Variants in KIF13A observed in about 807,000 individuals in gnomAD.
The protein encoded by KIF13A is kinesin family member 13A.
In KIF13A, 79 loss-of-function variants were observed where a neutral mutation model predicts 212.2. The observed-to-expected ratio is 0.37, with a 90% confidence interval of 0.31 to 0.45. KIF13A has a LOEUF of 0.45. Among genes scored for constraint, KIF13A ranks in the 20% least tolerant of loss-of-function variants. The pLI is 1.00. For synonymous variants in KIF13A, 789 were observed against 808.6 expected (o/e 0.98, Z 0.41); for missense variants, 1,901 against 2,209.0 (o/e 0.86, Z 2.79).
intron 9 of KIF13A, among the ~76,000 whole-genome samples, chr6:17,840,516 C>T (rs1235211287): frequency 1.3e-5 from 2 of 152,016 alleles, no homozygotes; most frequent in Non-Finnish European, 2.9e-5. Flanking sequence ...AGTTCAGTGA[C>T]TTAAAAGTCA....
chr6:17,975,025 G>A (rs1322997975), intron 2 of KIF13A, among the ~76,000 whole-genome samples: 4 of 152,082 alleles, frequency 2.6e-5, no homozygotes, highest in African/African-American at 9.7e-5. Context: ...ACCAGCATCA[G>A]CCATCACCTG....
Position 17,915,948 on chromosome 6 carries a change from T to A in KIF13A, c.147-17768A>T, listed in dbSNP as rs12205514. Among the ~76,000 whole-genome samples, 9,445 of 123,150 alleles carry A rather than the reference T, an allele frequency of 0.077. 733 individuals are homozygous for A. The highest frequency in any genetic ancestry group is 0.27 in the African/African-American group (7,553 of 28,154). 80.8% of individuals were successfully genotyped at this position (123,150 alleles called of 152,430 possible). ...AGAGAGCCAGTCTCAAAAAAAAAAATAAAAATAAAAATAAAATAAAATAAA... is the reference window on the plus strand; with the variant it reads ...AGAGAGCCAGTCTCAAAAAAAAAAAAAAAAATAAAAATAAAATAAAATAAA... On this transcript the variant is annotated intron_variant, in intron 2 of 38. Coordinates refer to ENST00000259711, the MANE Select transcript of KIF13A (RefSeq NM_022113.6). This position sits in a 1 kb window ranked among gnomAD's most constrained non-coding sequence, Gnocchi z 4.4.
At position 17,926,714 on chromosome 6, in the gene KIF13A, T is replaced by C. The variant is rs1018275548; in HGVS notation, c.147-28534A>G. On this transcript the variant is annotated intron_variant, in intron 2 of 38. Transcript: ENST00000259711. This position sits in a 1 kb window ranked among gnomAD's most constrained non-coding sequence, Gnocchi z 4.3. Reference sequence around the variant, plus strand: ...AATTACTTATAATCTCAGAGTGTAATAAGTGGAGAATGTTTAAGTATATTA... The same window carrying C: ...AATTACTTATAATCTCAGAGTGTAACAAGTGGAGAATGTTTAAGTATATTA... Among the ~76,000 whole-genome samples, 1 of 152,172 alleles carries C rather than the reference T, an allele frequency of 6.6e-6. No individual in the cohort carries two copies. Among genetic ancestry groups the C allele is most frequent in the African/African-American group, 2.4e-5 (1 of 41,434 alleles).
rs139272458 is a variant in KIF13A, at chr6:17,794,115, C to A, written c.3222+134G>T. ...ACAGATTTTAAAGCTAGAAAAAAGG[C>A]AATGGATGGAAATGTGAACTGGGGG... On this transcript the variant is annotated intron_variant, in intron 25 of 38. Transcript: ENST00000259711. The surrounding 1 kb of genome is among the most constrained non-coding windows in gnomAD (Gnocchi z 4.1). 4.3e-4 allele frequency: 266 copies of A among 613,786 alleles called. 1 individual carries two copies. In the Middle Eastern group the frequency reaches 4.9e-3, roughly 11 times the overall value. 38.0% of individuals were successfully genotyped at this position (613,786 alleles called of 1,614,324 possible). A position where few individuals can be genotyped will look rare whatever the true frequency, so the allele number is the denominator to read the frequency against.
chr6:17,874,999 G>GCGCGTGCACACACACA (rs913365480), intron 3 of KIF13A, among the ~76,000 whole-genome samples: 2 of 120,266 alleles, frequency 1.7e-5, no homozygotes, highest in Admixed American at 8.4e-5. Context: ...ACACGCACAC[G>GCGCGTGCACACACACA]CACGCACACA....
In KIF13A at chr6:17,856,134, G is replaced by A. The variant is rs1174898018; in HGVS notation, c.221-12C>T. On this transcript the variant is annotated splice_polypyrimidine_tract_variant and intron_variant, in intron 4 of 38. Coordinates refer to ENST00000259711, the MANE Select transcript of KIF13A (RefSeq NM_022113.6). The surrounding 1 kb of genome is among the most constrained non-coding windows in gnomAD (Gnocchi z 4.5). ...AACCACTTCTTGACCTAAAAAACAAGACAAATATTAAAAACTAATAAAAAG... is the reference window on the plus strand; with the variant it reads ...AACCACTTCTTGACCTAAAAAACAAAACAAATATTAAAAACTAATAAAAAG... 1 of 1,552,372 alleles carries A rather than the reference G, an allele frequency of 6.4e-7. No individual in the cohort carries two copies. Among genetic ancestry groups the A allele is most frequent in the Non-Finnish European group, 8.9e-7 (1 of 1,129,608 alleles).
intron 2 of KIF13A, among the ~76,000 whole-genome samples, chr6:17,980,104 C>T (rs1780927274): frequency 6.6e-6 from 1 of 151,528 alleles, no homozygotes; most frequent in African/African-American, 2.4e-5. Flanking sequence ...TGTGATTTAA[C>T]AAAAATAGGG....
rs557788569 is a variant in KIF13A at position 17,836,914 on chromosome 6, T to C, written c.1119A>G (p.Glu373=). 5.6e-5 allele frequency: 90 copies of C among 1,613,942 alleles called. No homozygotes were observed. The highest frequency in any genetic ancestry group is 2.2e-5 in the East Asian group (1 of 44,882). Residue 373 remains glutamate, a synonymous_variant, in exon 11 of 39, where the codon GAA becomes GAG. Coordinates refer to ENST00000259711, the MANE Select transcript of KIF13A (RefSeq NM_022113.6). ...NAKVIRELRE[E]VEKLREQLSQ... ...AGAGCTGCTCTCTCAGTTTCTCGAC[T>C]TCCTCCCGCAGTTCTCGGATCACTT...
chr6:17,883,001 TA>T lies in KIF13A; in HGVS notation c.160-9565del, dbSNP rs1484091714. On this transcript the variant is annotated intron_variant, in intron 3 of 38. Transcript: ENST00000259711. This position sits in a 1 kb window ranked among gnomAD's most constrained non-coding sequence, Gnocchi z 4.8. ...TTTGTTCTGCTACAATATTAATTCT[TA>T]GAGGATAAAGCCTTGGTTTCCCTAA... is the stretch of plus-strand genomic sequence containing the variant. Among the ~76,000 whole-genome samples the T allele has an allele frequency of 1.3e-5, 2 of 152,206 alleles. No individual in the cohort carries two copies. The highest frequency in any genetic ancestry group is 4.8e-5 in the African/African-American group (2 of 41,440).
rs190798348 is a variant in KIF13A, at chr6:17,873,399, T to C, written c.198A>G (p.Glu66=). Residue 66 remains glutamate, a synonymous_variant, in exon 4 of 39, where the codon GAA becomes GAG. Coordinates refer to ENST00000259711, the MANE Select transcript of KIF13A (RefSeq NM_022113.6). The stretch of plus-strand genomic sequence containing the variant: ...TACCAGCGTATTTTGTAGTGTTAGA[T>C]TCATCCATGGACCAAAAGCAATAAT... ...AFDYCFWSMD[E]SNTTKYAGQE... The C allele has an allele frequency of 1.1e-5, 17 of 1,596,294 alleles. No homozygotes were observed. Among genetic ancestry groups the C allele is most frequent in the Non-Finnish European group, 1.5e-5 (17 of 1,170,788 alleles).
chr6:17,948,239 A>G (rs967616959), intron 2 of KIF13A, among the ~76,000 whole-genome samples: 3 of 152,222 alleles, frequency 2.0e-5, no homozygotes, highest in Admixed American at 6.5e-5. Context: ...CTTGACTTGA[A>G]GAGATTCATT....
chr6:17,759,254 C>G (rs541598091), downstream of KIF13A: 8 of 151,994 alleles, frequency 5.3e-5, no homozygotes, highest in Non-Finnish European at 1.0e-4. Context: ...GTTTTAAAAT[C>G]TGAATTACAC....
chr6:17,898,030 G>T lies in KIF13A; in HGVS notation c.159+138C>A. 1.4e-6 allele frequency: 1 copy of T among 699,232 alleles called. No individual in the cohort carries two copies. Among genetic ancestry groups the T allele is most frequent in the South Asian group, 2.1e-5 (1 of 47,230 alleles). The allele number at this position is 699,232 out of a possible 1,614,324, so 43.3% of individuals were successfully genotyped here. ...CTTTATGTTAACACTGATATTAATT[G>T]TTCATGATGTGAGTTTTAAATTAGG... On this transcript the variant is annotated intron_variant, in intron 3 of 38. Transcript: ENST00000259711. This position sits in a 1 kb window ranked among gnomAD's most constrained non-coding sequence, Gnocchi z 5.2.
intron 9 of KIF13A, among the ~76,000 whole-genome samples, chr6:17,845,604 T>C (rs1014586726): frequency 3.3e-5 from 5 of 152,254 alleles, no homozygotes; most frequent in African/African-American, 4.8e-5. Flanking sequence ...TCTGGGGGTA[T>C]TAGAGAGTGC....
downstream of KIF13A, chr6:17,759,254 C>T (rs541598091): frequency 6.6e-6 from 1 of 151,994 alleles, no homozygotes; most frequent in Non-Finnish European, 1.5e-5. Context: ...GTTTTAAAAT[C>T]TGAATTACAC....
In KIF13A at chr6:17,782,210, C is replaced by G. The variant is rs1760658093; in HGVS notation, c.3545-909G>C. On this transcript the variant is annotated intron_variant, in intron 29 of 38. Coordinates refer to ENST00000259711, the MANE Select transcript of KIF13A (RefSeq NM_022113.6). The stretch of plus-strand genomic sequence containing the variant: ...TCAGCCTCCCAAAGTGCTGGGATTA[C>G]AGGCATGAGCCAACATACCCGGCTG... 2.0e-5 allele frequency among the ~76,000 whole-genome samples: 3 copies of G among 152,196 alleles called. No homozygotes were observed. The South Asian group carries it at 6.2e-4, about 32-fold the overall frequency.
rs1434665618 is a variant in KIF13A, at chr6:17,799,591, G to A, written c.2617-152C>T. 2.6e-5 allele frequency among the ~76,000 whole-genome samples: 4 copies of A among 152,132 alleles called. No homozygotes were observed. Among genetic ancestry groups the A allele is most frequent in the African/African-American group, 9.7e-5 (4 of 41,438 alleles). On this transcript the variant is annotated intron_variant, in intron 21 of 38. Transcript: ENST00000259711. The surrounding 1 kb of genome is among the most constrained non-coding windows in gnomAD (Gnocchi z 4.4). ...ATCTGACACCGTGACACTAAGGGTT[G>A]TATCGATAATGAAATCTGTACCACA...
rs1392369562 is a variant in KIF13A, at chr6:17,987,337, G to T, written c.55+72C>A. The T allele has an allele frequency of 1.7e-5, 19 of 1,127,430 alleles. No individual in the cohort carries two copies. In the African/African-American group the frequency reaches 3.0e-4, roughly 18 times the overall value. The allele number at this position is 1,127,430 out of a possible 1,614,324, so 69.8% of individuals were successfully genotyped here. A position where few individuals can be genotyped will look rare whatever the true frequency, so the allele number is the denominator to read the frequency against. On this transcript the variant is annotated intron_variant, in intron 1 of 38. Transcript: ENST00000259711. The surrounding 1 kb of genome is among the most constrained non-coding windows in gnomAD (Gnocchi z 7.7). ...GCCCCGGCCGCGCTCTCGCCGTCCCGGCCCCGCAGTTTCTAAAGTTGCCCC... is the reference window on the plus strand; with the variant it reads ...GCCCCGGCCGCGCTCTCGCCGTCCCTGCCCCGCAGTTTCTAAAGTTGCCCC...
At chr6:17,791,743 T>C (rs1761575041) in intron 25 of KIF13A, among the ~76,000 whole-genome samples, 1 of 147,922 alleles carries the variant, frequency 6.8e-6, no homozygotes, top group Admixed American at 6.7e-5. Context: ...CTACTAAAAA[T>C]ACAAAAATTA....
Sources: allele counts gnomAD v4.1 joint callset (sites outside exome capture counted in the v4.1 genomes callset), GRCh38; gene constraint gnomAD v4.1.1; non-coding constraint Gnocchi (gnomAD v3.1); transcripts MANE v1.5; gene names NCBI Gene and HGNC (gene_info 2026-07-23, HGNC 2026-07-21).